The following HS3ST5 variants were observed in gnomAD, a reference collection of about 807,000 sequenced individuals.
HS3ST5 encodes heparan sulfate-glucosamine 3-sulfotransferase 5, also known as heparan sulfate glucosamine 3-O-sulfotransferase 5.
HS3ST5 carries 10 observed loss-of-function variants against 25.4 expected under a neutral mutation model. That is an observed-to-expected ratio of 0.39 (90% CI 0.24 to 0.67). The LOEUF is 0.67. HS3ST5 is among the 30% of genes least tolerant of loss of function. HS3ST5 has a pLI of 0.44. For missense variants in HS3ST5, 324 were observed against 420.7 expected (o/e 0.77, Z 2.01); for synonymous variants, 170 against 162.4 (o/e 1.05, Z -0.36).
chr6:114,092,469 G>GT (rs1166784434), intron 3 of HS3ST5, among the ~76,000 whole-genome samples: 2 of 127,246 alleles, frequency 1.6e-5, no homozygotes, highest in Non-Finnish European at 3.6e-5. Context: ...ACACTCTGTG[G>GT]TAAGTGGCAC....
intron 1 of HS3ST5, among the ~76,000 whole-genome samples, chr6:114,237,841 A>T (rs954516018): frequency 6.6e-6 from 1 of 152,218 alleles, no homozygotes; most frequent in Non-Finnish European, 1.5e-5. Context: ...TTTTGTGCAA[A>T]TTAGATAAAG....
intron 2 of HS3ST5, among the ~76,000 whole-genome samples, chr6:114,212,327 T>C (rs1436646411): frequency 6.6e-6 from 1 of 152,210 alleles, no homozygotes. Flanking sequence ...TACCATTCAG[T>C]TGGGAGATGT....
chr6:114,305,129 A>G (rs1256126657), intron 1 of HS3ST5, among the ~76,000 whole-genome samples: 1 of 152,104 alleles, frequency 6.6e-6, no homozygotes, highest in Admixed American at 6.6e-5. Context: ...ACCATCATGT[A>G]CTGGTCATTT....
At chr6:114,126,021 C>T (rs1519687) in intron 3 of HS3ST5, among the ~76,000 whole-genome samples, 37,195 of 152,074 alleles carry the variant, frequency 0.24, 4,635 homozygotes, top group African/African-American at 0.27. Flanking sequence ...AAAATTCTAT[C>T]TAAGAAGCTT....
intron 1 of HS3ST5, among the ~76,000 whole-genome samples, chr6:114,247,045 G>A (rs1772411765): frequency 6.6e-6 from 1 of 152,210 alleles, no homozygotes; most frequent in Admixed American, 6.5e-5. Context: ...TTCAATGAAA[G>A]TTCCCAACCC....
Position 114,314,677 on chromosome 6 carries a change from T to C in HS3ST5, c.-339+27518A>G, listed in dbSNP as rs74833877. ...GATATGGCCAGGCTTTCATCAAATT[T>C]TCAAGTGAAAATGATCAAAAAAGAT... On this transcript the variant is annotated intron_variant, in intron 1 of 4. Transcript: ENST00000312719. Among the ~76,000 whole-genome samples the C allele has an allele frequency of 4.4e-3, 675 of 152,324 alleles. 3 individuals carry two copies. The highest frequency in any genetic ancestry group is 0.015 in the African/African-American group (622 of 41,574).
intron 1 of HS3ST5, among the ~76,000 whole-genome samples, chr6:114,318,727 T>C (rs1562274501): frequency 1.3e-5 from 2 of 152,130 alleles, no homozygotes; most frequent in Admixed American, 1.3e-4. Flanking sequence ...GACCTCTCAC[T>C]ACCTACAAGA....
intron 2 of HS3ST5, among the ~76,000 whole-genome samples, chr6:114,174,870 G>A (rs1042458591): frequency 1.3e-5 from 2 of 152,096 alleles, no homozygotes; most frequent in African/African-American, 4.8e-5. Context: ...GCTTGCATCT[G>A]TAGTCCCAGC....
chr6:114,291,488 CG>C (rs1680736905), intron 1 of HS3ST5, among the ~76,000 whole-genome samples: 1 of 152,140 alleles, frequency 6.6e-6, no homozygotes, highest in Admixed American at 6.5e-5. Flanking sequence ...GACTGAACCT[CG>C]GGTCATCTAG....
At chr6:114,104,200 TG>T (rs766054883) in intron 3 of HS3ST5, among the ~76,000 whole-genome samples, 2 of 152,066 alleles carry the variant, frequency 1.3e-5, no homozygotes, top group Non-Finnish European at 2.9e-5. Flanking sequence ...CTAGTCTGAG[TG>T]GTATATTTGT....
At chr6:114,115,989 A>G (rs1280023624) in intron 3 of HS3ST5, 1 of 152,104 alleles carries the variant, frequency 6.6e-6, no homozygotes, top group Non-Finnish European at 1.5e-5. Context: ...TTATTTTTTG[A>G]TACTAAAGCA....
chr6:114,237,329 C>CTT (rs35288943), intron 1 of HS3ST5, among the ~76,000 whole-genome samples: 105 of 145,330 alleles, frequency 7.2e-4, no homozygotes, highest in African/African-American at 7.8e-4. Context: ...GATACGAGTA[C>CTT]TTTTTTTTTT....
At chr6:114,123,698 A>C (rs1776902802) in intron 3 of HS3ST5, among the ~76,000 whole-genome samples, 2 of 152,210 alleles carry the variant, frequency 1.3e-5, no homozygotes, top group South Asian at 4.1e-4. Flanking sequence ...CCTGCCTTCC[A>C]GACAAGTGGG....
intron 1 of HS3ST5, among the ~76,000 whole-genome samples, chr6:114,306,238 CAT>C (rs757321554): frequency 0.042 from 4,661 of 111,430 alleles, 100 homozygotes; most frequent in Non-Finnish European, 0.06. Flanking sequence ...ATGAAATATA[CAT>C]ATATATATAT....
chr6:114,265,217 A>G (rs1773353363), intron 1 of HS3ST5, among the ~76,000 whole-genome samples: 1 of 152,110 alleles, frequency 6.6e-6, no homozygotes, highest in South Asian at 2.1e-4. Context: ...AAGGGTGCCA[A>G]AAGATTATGG....
chr6:114,294,341 C>T (rs7761174), intron 1 of HS3ST5, among the ~76,000 whole-genome samples: 3,547 of 152,064 alleles, frequency 0.023, 129 homozygotes, highest in African/African-American at 0.077. Context: ...ATGAAGATCT[C>T]AGGAGACATT....
chr6:114,160,187 T>G (rs1415903957), intron 3 of HS3ST5, among the ~76,000 whole-genome samples: 1 of 152,172 alleles, frequency 6.6e-6, no homozygotes. Flanking sequence ...GCTGTATGAA[T>G]GAAGATAGTA....
chr6:114,222,458 G>C (rs989470235), intron 2 of HS3ST5, among the ~76,000 whole-genome samples: 1 of 151,828 alleles, frequency 6.6e-6, no homozygotes, highest in Non-Finnish European at 1.5e-5. Flanking sequence ...AATGGGTCTT[G>C]ATTCTCAGCT....
chr6:114,330,752 G>A (rs973954961), intron 1 of HS3ST5, among the ~76,000 whole-genome samples: 1 of 152,100 alleles, frequency 6.6e-6, no homozygotes, highest in Non-Finnish European at 1.5e-5. Flanking sequence ...TTCTCCTCAA[G>A]CCTACTGTAG....
Sources: gnomAD v4.1 joint callset for allele counts (sites outside exome capture counted in the v4.1 genomes callset) on GRCh38, gnomAD v4.1.1 for gene constraint, MANE v1.5 for transcripts, NCBI Gene and HGNC (gene_info 2026-07-23, HGNC 2026-07-21) for gene names.